The following POLD1 variants were observed in gnomAD, a reference collection of about 807,000 sequenced individuals.
POLD1 encodes DNA polymerase delta 1, catalytic subunit, also known as DNA polymerase delta catalytic subunit.
Under a neutral mutation model 129.7 loss-of-function variants are expected in POLD1, and 79 were observed. The observed-to-expected ratio is 0.61, with a 90% confidence interval of 0.51 to 0.73. The LOEUF (loss-of-function observed/expected upper bound fraction) is 0.73, where lower values mean the gene tolerates loss of function less well. Among genes scored for constraint, POLD1 ranks in the 30% least tolerant of loss-of-function variants. POLD1 has a pLI of 0.00. For missense variants in POLD1, 1,338 were observed against 1,595.8 expected (o/e 0.84, Z 2.75); for synonymous variants, 714 against 683.3 (o/e 1.04, Z -0.70).
Position 50,409,344 on chromosome 19 carries a change from T to C in POLD1, c.2006+109T>C. 8.2e-7 allele frequency: 1 copy of C among 1,217,790 alleles called. No homozygotes were observed. The highest frequency in any genetic ancestry group is 1.2e-6 in the Non-Finnish European group (1 of 842,644). The allele number at this position is 1,217,790 out of a possible 1,614,324, so 75.4% of individuals were successfully genotyped here. On this transcript the variant is annotated intron_variant, in intron 16 of 26. Coordinates refer to ENST00000440232, the MANE Select transcript of POLD1 (RefSeq NM_002691.4). The surrounding 1 kb of genome is among the most constrained non-coding windows in gnomAD (Gnocchi z 5.8). ...GCTGCCCAGCCACCCTGCCCTCAGC[T>C]GTGCGTGAATTAGCACAAGGCATCC...
chr19:50,385,119 G>A (rs1341668032), intron 1 of POLD1, among the ~76,000 whole-genome samples: 1 of 152,180 alleles, frequency 6.6e-6, no homozygotes, highest in African/African-American at 2.4e-5. Context: ...GGGTTTGAGC[G>A]TGGAAACAAC....
Position 50,415,664 on chromosome 19 carries a change from C to T in POLD1, c.2718-60C>T. 2.0e-6 allele frequency: 3 copies of T among 1,498,370 alleles called. No individual in the cohort carries two copies. The East Asian group carries it at 7.4e-5, about 37-fold the overall frequency. 92.8% of individuals were successfully genotyped at this position (1,498,370 alleles called of 1,614,324 possible). ...GCCAGCTGGGCCCACTTCCTACACCCTCGCCCCCACCCCCGCCACCCACCT... is the reference window on the plus strand; with the variant it reads ...GCCAGCTGGGCCCACTTCCTACACCTTCGCCCCCACCCCCGCCACCCACCT... On this transcript the variant is annotated intron_variant, in intron 21 of 26. Coordinates refer to ENST00000440232, the MANE Select transcript of POLD1 (RefSeq NM_002691.4).
At chr19:50,398,679 G>A (rs542698521) in intron 1 of POLD1, among the ~76,000 whole-genome samples, 172 bp from the exon 2 acceptor site, 57 of 151,904 alleles carry the variant, frequency 3.8e-4, no homozygotes, top group Non-Finnish European at 6.3e-4. Flanking sequence ...ACAATTGAGC[G>A]TCTGGAATGT....
chr19:50,416,577 T>A, intron 23 of POLD1, 33 bp from the exon 24 acceptor site: 1 of 1,547,110 alleles, frequency 6.5e-7, no homozygotes, highest in Non-Finnish European at 8.7e-7. Flanking sequence ...GCAGAGGAGA[T>A]CACCGGCCCA....
chr19:50,395,671 C>G (rs1487186081), intron 1 of POLD1, among the ~76,000 whole-genome samples: 1 of 151,986 alleles, frequency 6.6e-6, no homozygotes, highest in Admixed American at 6.6e-5. Flanking sequence ...TTATGATTTG[C>G]ATGGATGTTT....
intron 10 of POLD1, among the ~76,000 whole-genome samples, chr19:50,404,012 G>C (rs1165533805): frequency 6.6e-6 from 1 of 152,148 alleles, no homozygotes; most frequent in Non-Finnish European, 1.5e-5. Context: ...GTGTGTAAGG[G>C]TGGATTCCTC....
intron 10 of POLD1, among the ~76,000 whole-genome samples, chr19:50,405,088 T>G (rs189581634): frequency 6.8e-4 from 104 of 152,232 alleles, no homozygotes; most frequent in Admixed American, 4.8e-3. Flanking sequence ...GTTTTTGTTT[T>G]TTTTAGCAGA....
intron 14 of POLD1, among the ~76,000 whole-genome samples, chr19:50,408,326 C>T (rs1378458135): frequency 2.8e-4 from 42 of 151,984 alleles, no homozygotes; most frequent in Non-Finnish European, 4.4e-5. Context: ...CAAAGCGAGA[C>T]TCCGTCTCAA....
At position 50,409,548 on chromosome 19, in the gene POLD1, AC is replaced by A. The variant is rs1419624611; in HGVS notation, c.2041del (p.Leu681SerfsTer13). The stretch of plus-strand genomic sequence containing the variant: ...AAGGCCGAGCTGGCCAAGGAGACAG[AC>A]CCCCTCCGGCGCCAGGTCCTGGATG... Reference protein sequence around the residue: ...RAKAELAKETDPLRRQVLDGR... With the variant: ...RAKAELAKETXPLRRQVLDGR... On this transcript the variant is annotated frameshift_variant, in exon 17 of 27. Transcript: ENST00000440232. LOFTEE classifies it high-confidence loss of function. This position sits in a 1 kb window ranked among gnomAD's most constrained non-coding sequence, Gnocchi z 5.8. 6.2e-7 allele frequency: 1 copy of A among 1,613,242 alleles called. No homozygotes were observed. The highest frequency in any genetic ancestry group is 8.5e-7 in the Non-Finnish European group (1 of 1,180,006).
In POLD1 at chr19:50,402,259, C is replaced by T. The variant is rs993539085; in HGVS notation, c.644C>T (p.Ala215Val). Residue 215 changes from alanine (A) to valine (V), a missense_variant, in exon 6 of 27, where the codon GCG (alanine) becomes GTG (valine). Physicochemically the swap from Ala to Val is moderately conservative, Grantham distance 64. Transcript: ENST00000440232. ...GPSPFLRITV[A>V]LPRLVAPARR... ...TCCCCGTTCCTGCGCATCACCGTGG[C>T]GCTGCCGCGCCTCGTGGCCCCGGCC... 1.9e-5 allele frequency: 31 copies of T among 1,601,586 alleles called. No individual in the cohort carries two copies. Among genetic ancestry groups the T allele is most frequent in the South Asian group, 4.5e-5 (4 of 89,146 alleles).
chr19:50,404,574 C>CTTTTT (rs71182717), intron 10 of POLD1, among the ~76,000 whole-genome samples: 942 of 77,774 alleles, frequency 0.012, 6 homozygotes, highest in Non-Finnish European at 0.015. Flanking sequence ...TTTTCTCTTT[C>CTTTTT]TTTTTTTTTT....
intron 10 of POLD1, 107 bp downstream of exon 10, chr19:50,403,704 C>G (rs1202993055): frequency 1.3e-6 from 1 of 776,444 alleles, no homozygotes; most frequent in African/African-American, 1.7e-5. Flanking sequence ...GCATCTTGCT[C>G]TGTGTGCCTC....
rs548034433 is a variant in POLD1, at chr19:50,399,819, G to A, written c.316+335G>A. 7.7e-4 allele frequency among the ~76,000 whole-genome samples: 117 copies of A among 152,270 alleles called. 1 individual carries two copies. Among genetic ancestry groups the A allele is most frequent in the African/African-American group, 2.8e-3 (115 of 41,560 alleles). ...AGACACATAAACCAAAAGTCAATTT[G>A]ACTTCTTTTTTTTGAGATGGAGTCT... On this transcript the variant is annotated intron_variant, in intron 3 of 26. Coordinates refer to ENST00000440232, the MANE Select transcript of POLD1 (RefSeq NM_002691.4).
chr19:50,406,382 C>T lies in POLD1; in HGVS notation c.1384-25C>T, dbSNP rs1255168297. On this transcript the variant is annotated intron_variant, in intron 11 of 26. Transcript: ENST00000440232. This position sits in a 1 kb window ranked among gnomAD's most constrained non-coding sequence, Gnocchi z 5.5. ...GGAAGGCCACTGCCCAGGCCCGCAG[C>T]CCACCAGCCCACCCACCCACCTAGG... 6.2e-7 allele frequency: 1 copy of T among 1,607,836 alleles called. No individual in the cohort carries two copies. The highest frequency in any genetic ancestry group is 1.7e-5 in the Admixed American group (1 of 58,680).
Position 50,398,977 on chromosome 19 carries a change from G to A in POLD1, c.126G>A (p.Glu42=), listed in dbSNP as rs993203717. 2 of 1,573,870 alleles carry A rather than the reference G, an allele frequency of 1.3e-6. No homozygotes were observed. Among genetic ancestry groups the A allele is most frequent in the Non-Finnish European group, 1.7e-6 (2 of 1,159,726 alleles). Residue 42 remains glutamate, a synonymous_variant, in exon 2 of 27, where the codon GAG becomes GAA. Transcript: ENST00000440232. ...TCGAGGAGGACCTGGCACTGATGGA[G>A]GAGATGGAGGCAGAACACAGGCTGC... ...SQFEEDLALM[E]EMEAEHRLQE...
In POLD1 at chr19:50,385,832, TCTC is replaced by T. The variant is rs1303368817; in HGVS notation, c.-2+1448_-2+1450del. On this transcript the variant is annotated intron_variant, in intron 1 of 26. Transcript: ENST00000440232. ...GCGTGAGCCACCACGCACGGCCGCTTCTCCTCCTTCCTGCACTTCCCCCCCACA... is the reference window on the plus strand; with the variant it reads ...GCGTGAGCCACCACGCACGGCCGCTTCTCCTTCCTGCACTTCCCCCCCACA... 4.6e-5 allele frequency among the ~76,000 whole-genome samples: 7 copies of T among 151,450 alleles called. No homozygotes were observed. In the East Asian group the frequency reaches 7.9e-4, roughly 17 times the overall value.
Position 50,416,525 on chromosome 19 carries a change from C to T in POLD1, c.2950C>T (p.Leu984=), listed in dbSNP as rs754793514. The change falls in exon 23 of 27, where the codon CTG becomes TTG. Residue 984 remains leucine, a synonymous_variant. Transcript: ENST00000440232. The part of the protein sequence containing the change: ...LGEGRAEAVL[L]RGDHTRCKTV... ...CGAGGGCCGTGCCGAGGCTGTGCTA[C>T]TGCGTACGGGGGCACCAGGGGACTG... 6 of 1,552,860 alleles carry T rather than the reference C, an allele frequency of 3.9e-6. No individual in the cohort carries two copies. In the Admixed American group the frequency reaches 7.7e-5, roughly 20 times the overall value.
chr19:50,400,175 CCT>C (rs1401299754), intron 3 of POLD1, among the ~76,000 whole-genome samples: 7 of 43,258 alleles, frequency 1.6e-4, no homozygotes, highest in Non-Finnish European at 3.5e-4. Context: ...ACAAGATTTT[CCT>C]CTGTTGCCCA....
In POLD1 at chr19:50,407,289, C is replaced by T. The variant is rs373705242; in HGVS notation, c.1687-38C>T. ...CCCACTCCCAATCCGCACGGCCCCA[C>T]CTATACCCACTCCATTTCCCACCTT... On this transcript the variant is annotated intron_variant, in intron 13 of 26. Transcript: ENST00000440232. 8.5e-4 allele frequency: 1,351 copies of T among 1,588,388 alleles called. 1 individual carries two copies. The highest frequency in any genetic ancestry group is 1.1e-3 in the Non-Finnish European group (1,228 of 1,159,956).
Sources: allele counts gnomAD v4.1 joint callset (sites outside exome capture counted in the v4.1 genomes callset), GRCh38; gene constraint gnomAD v4.1.1; non-coding constraint Gnocchi (gnomAD v3.1); transcripts MANE v1.5; gene names NCBI Gene and HGNC (gene_info 2026-07-23, HGNC 2026-07-21).